The following UBE3B variants were observed in gnomAD, a reference collection of about 807,000 sequenced individuals.
The protein encoded by UBE3B is ubiquitin-protein ligase E3B.
UBE3B carries 80 observed loss-of-function variants against 132.3 expected under a neutral mutation model. The observed-to-expected ratio is 0.60, with a 90% CI of 0.50 to 0.73. The LOEUF (loss-of-function observed/expected upper bound fraction) is 0.73. Ranked by LOEUF, UBE3B falls within the 30% of genes least tolerant of loss-of-function variation. The pLI is 0.00. For missense variants in UBE3B, 1,196 were observed against 1,362.5 expected (o/e 0.88, Z 1.92); for synonymous variants, 487 against 520.4 (o/e 0.94, Z 0.87).
chr12:109,537,828 C>T (rs911125275), downstream of UBE3B, among the ~76,000 whole-genome samples: 1 of 152,174 alleles, frequency 6.6e-6, no homozygotes, highest in Admixed American at 6.5e-5. Flanking sequence ...CCGCAGCCTC[C>T]CACATAGCTG....
rs148216756 is a variant in UBE3B at position 109,499,489 on chromosome 12, C to T, written c.941-144C>T. ...TTCTTACCTTTGCACCACACAGCAG[C>T]CTCCGGCATTGACAGGTGCCCCTTA... On this transcript the variant is annotated intron_variant, in intron 11 of 27. Coordinates refer to ENST00000342494, the MANE Select transcript of UBE3B (RefSeq NM_130466.4). 401 of 767,734 alleles carry T rather than the reference C, an allele frequency of 5.2e-4. 1 individual carries two copies. The African/African-American group carries it at 6.8e-3, about 13-fold the overall frequency. The allele number at this position is 767,734 out of a possible 1,614,324, so 47.6% of individuals were successfully genotyped here. A position where few individuals can be genotyped will look rare whatever the true frequency, so the allele number is the denominator to read the frequency against.
chr12:109,496,706 A>G (rs551623449), intron 9 of UBE3B, among the ~76,000 whole-genome samples: 14 of 152,228 alleles, frequency 9.2e-5, no homozygotes, highest in African/African-American at 3.4e-4. Context: ...GTATGTTTAG[A>G]TCCTTCGTCT....
chr12:109,489,341 G>T (rs1566077348), intron 7 of UBE3B, among the ~76,000 whole-genome samples: 1 of 152,220 alleles, frequency 6.6e-6, no homozygotes, highest in Non-Finnish European at 1.5e-5. Flanking sequence ...GGGTGGGGAG[G>T]CCTTGCTTGG....
chr12:109,515,604 G>A (rs1880939551), intron 18 of UBE3B, among the ~76,000 whole-genome samples: 1 of 151,682 alleles, frequency 6.6e-6, no homozygotes, highest in African/African-American at 2.4e-5. Context: ...CCCGACCTCA[G>A]GTGATCCACC....
chr12:109,506,099 C>T (rs892462959), intron 14 of UBE3B, among the ~76,000 whole-genome samples: 1 of 152,214 alleles, frequency 6.6e-6, no homozygotes, highest in African/African-American at 2.4e-5. Context: ...TCTGTGTCCC[C>T]TTTTGCTTCC....
At chr12:109,481,020 G>A (rs1875301628) in intron 1 of UBE3B, among the ~76,000 whole-genome samples, 2 of 151,634 alleles carry the variant, frequency 1.3e-5, no homozygotes, top group Middle Eastern at 3.4e-3. Context: ...CAGGAGAATG[G>A]CATGAACCCG....
chr12:109,528,337 G>A lies in UBE3B; in HGVS notation c.2628-1553G>A, dbSNP rs926352117. 3.0e-6 allele frequency: 3 copies of A among 985,106 alleles called. No homozygotes were observed. In the African/African-American group the frequency reaches 5.3e-5, roughly 17 times the overall value. The allele number at this position is 985,106 out of a possible 1,614,324, so 61.0% of individuals were successfully genotyped here. ...CCCCCTTTCTCAGTAAAGTGGAGCA[G>A]TACTCGTCACCTGCTTCAAAGTATA... On this transcript the variant is annotated intron_variant, in intron 24 of 27. Coordinates refer to ENST00000342494, the MANE Select transcript of UBE3B (RefSeq NM_130466.4).
At chr12:109,497,430 C>T (rs1017702423) in intron 9 of UBE3B, among the ~76,000 whole-genome samples, 4 of 152,050 alleles carry the variant, frequency 2.6e-5, no homozygotes, top group Non-Finnish European at 5.9e-5. Flanking sequence ...GTGAACACAC[C>T]TGGGTAAGCA....
At chr12:109,538,552 G>C, downstream of UBE3B, among the ~76,000 whole-genome samples, 1 of 152,188 alleles carries the variant, frequency 6.6e-6, no homozygotes. The surrounding 1 kb of genome is among the most constrained non-coding windows in gnomAD (Gnocchi z 4.1). Flanking sequence ...GACGCACCCA[G>C]CGCAGCACCT....
Position 109,482,171 on chromosome 12 carries a change from T to A in UBE3B, c.-22+429T>A, listed in dbSNP as rs1024059830. On this transcript the variant is annotated intron_variant, in intron 2 of 27. Transcript: ENST00000342494. Reference sequence around the variant, plus strand: ...GAGATAATACTATTAAGTCCAATGTTTATTTTAATAATTTTTAAATTTCTT... The same window carrying A: ...GAGATAATACTATTAAGTCCAATGTATATTTTAATAATTTTTAAATTTCTT... Among the ~76,000 whole-genome samples, 8 of 152,188 alleles carry A rather than the reference T, an allele frequency of 5.3e-5. 1 individual carries two copies.
rs758212453 is a variant in UBE3B at position 109,533,515 on chromosome 12, A to G, written c.2972A>G (p.Lys991Arg). The change falls in exon 27 of 28, where the codon AAG becomes AGG. Residue 991 changes from lysine to arginine, a missense_variant. Coordinates refer to ENST00000342494, the MANE Select transcript of UBE3B (RefSeq NM_130466.4). ...RPPLLGFAYL[K>R]PPFSIRCVEV... ...CCGCTCCTGGGATTCGCCTACCTCA[A>G]GCCTCCATTCTCCATCCGCTGCGTG... 6.2e-7 allele frequency: 1 copy of G among 1,613,886 alleles called. No homozygotes were observed. Among genetic ancestry groups the G allele is most frequent in the Non-Finnish European group, 8.5e-7 (1 of 1,180,032 alleles).
Position 109,488,684 on chromosome 12 carries a change from T to C in UBE3B, c.544+16T>C. On this transcript the variant is annotated intron_variant, in intron 7 of 27. Coordinates refer to ENST00000342494, the MANE Select transcript of UBE3B (RefSeq NM_130466.4). ...CGGGGAAAAGGTCTGTGGGACTTGC[T>C]TCAAAATGTTCTCTAACCAACATTT... 1 of 1,608,302 alleles carries C rather than the reference T, an allele frequency of 6.2e-7. No individual in the cohort carries two copies. Among genetic ancestry groups the C allele is most frequent in the Non-Finnish European group, 8.5e-7 (1 of 1,174,716 alleles).
chr12:109,501,379 A>C lies in UBE3B; in HGVS notation c.1127A>C (p.Glu376Ala). Residue 376 changes from glutamate to alanine, a missense_variant, in exon 13 of 28, where the codon GAG becomes GCG. By Grantham distance (107) the Glu-to-Ala change is moderately radical. Coordinates refer to ENST00000342494, the MANE Select transcript of UBE3B (RefSeq NM_130466.4). ...CCTCTGCTCTCTCCTAGCCTTAACGAGTCAATGCACTTGATCACCAAACAG... is the reference window on the plus strand; with the variant it reads ...CCTCTGCTCTCTCCTAGCCTTAACGCGTCAATGCACTTGATCACCAAACAG... Reference protein sequence around the residue: ...FSQSVDYGLNESMHLITKQLQ... With the variant: ...FSQSVDYGLNASMHLITKQLQ... 10 of 1,614,138 alleles carry C rather than the reference A, an allele frequency of 6.2e-6. No individual in the cohort carries two copies. Among genetic ancestry groups the C allele is most frequent in the Non-Finnish European group, 7.6e-6 (9 of 1,180,032 alleles).
intron 1 of UBE3B, among the ~76,000 whole-genome samples, chr12:109,478,540 G>T (rs572294299): frequency 6.6e-6 from 1 of 152,310 alleles, no homozygotes; most frequent in Admixed American, 6.5e-5. Flanking sequence ...TAGCACTTTG[G>T]GAGGCCGAGG....
intron 17 of UBE3B, among the ~76,000 whole-genome samples, chr12:109,510,831 A>G (rs757668753): frequency 7.2e-5 from 11 of 152,148 alleles, no homozygotes; most frequent in Admixed American, 5.9e-4. Context: ...TTGGAGAGTA[A>G]TGGGGTGGGG....
intron 11 of UBE3B, among the ~76,000 whole-genome samples, chr12:109,498,688 A>G (rs1878547149): frequency 6.6e-6 from 1 of 152,238 alleles, no homozygotes; most frequent in South Asian, 2.1e-4. Flanking sequence ...GGTGGGGCTT[A>G]TATCAGAGCA....
At chr12:109,490,842 C>T (rs1566079245) in intron 8 of UBE3B, 8 of 1,170,570 alleles carry the variant, frequency 6.8e-6, no homozygotes, top group Non-Finnish European at 9.1e-6. Flanking sequence ...TTTTAAGAGA[C>T]AGGGTTGCCC....
At chr12:109,510,926 T>C (rs1880291409) in intron 17 of UBE3B, among the ~76,000 whole-genome samples, 1 of 152,212 alleles carries the variant, frequency 6.6e-6, no homozygotes, top group African/African-American at 2.4e-5. Flanking sequence ...GCTGAAGCTG[T>C]GGCACTAGAG....
chr12:109,484,666 A>G (rs1056370742), intron 4 of UBE3B, among the ~76,000 whole-genome samples: 2 of 151,256 alleles, frequency 1.3e-5, no homozygotes, highest in African/African-American at 4.9e-5. Flanking sequence ...CTGGGATTAC[A>G]GGCGTGAGCC....
Sources: allele counts gnomAD v4.1 joint callset (sites outside exome capture counted in the v4.1 genomes callset), GRCh38; gene constraint gnomAD v4.1.1; non-coding constraint Gnocchi (gnomAD v3.1); transcripts MANE v1.5; gene names NCBI Gene and HGNC (gene_info 2026-07-23, HGNC 2026-07-21).